DMD: variants seen among roughly 807,000 people sequenced by gnomAD.
DMD encodes the protein mutant dystrophin.
A neutral mutation model predicts 330.1 loss-of-function variants in DMD; 63 were observed. That is an observed-to-expected ratio of 0.19 (90% CI 0.16 to 0.24). The LOEUF is 0.24. Among genes scored for constraint, DMD ranks in the 10% least tolerant of loss-of-function variants. DMD has a pLI of 1.00. For synonymous variants in DMD, 1,223 were observed against 959.8 expected (o/e 1.27, Z -5.07); for missense variants, 3,344 against 2,684.1 (o/e 1.25, Z -5.43).
chrX:32,197,880 ATAT>A (rs1378157953), intron 44 of DMD, among the ~76,000 whole-genome samples: 4 of 111,464 alleles, frequency 3.6e-5, no homozygotes, highest in African/African-American at 1.3e-4. Flanking sequence ...TTTCGAAAAC[ATAT>A]TATTATTAAT....
At chrX:32,193,198 G>T (rs757706785) in intron 44 of DMD, among the ~76,000 whole-genome samples, 1 of 111,685 alleles carries the variant, frequency 9.0e-6, no homozygotes, top group Non-Finnish European at 1.9e-5. Context: ...CTATGCTTCC[G>T]GTACAGCCTG....
chrX:33,179,822 T>A (rs924139648), intron 1 of DMD, among the ~76,000 whole-genome samples: 1 of 110,416 alleles, frequency 9.1e-6, no homozygotes, highest in African/African-American at 3.3e-5. Flanking sequence ...AAATCCATTA[T>A]GATTTTTAAA....
intron 2 of DMD, among the ~76,000 whole-genome samples, chrX:32,949,251 TACACACACACACACACACACAC>T (rs10587318): frequency 2.2e-5 from 2 of 89,580 alleles, no homozygotes; most frequent in African/African-American, 8.3e-5. Context: ...AATCGTTACA[TACACACACACACACACACACAC>T]ACACACACAC....
intron 59 of DMD, among the ~76,000 whole-genome samples, chrX:31,448,011 C>CAAAAA: frequency 2.8e-5 from 1 of 35,299 alleles, no homozygotes; most frequent in Non-Finnish European, 5.7e-5. Flanking sequence ...ACTCTGTCTC[C>CAAAAA]AAAAAAAAAA....
intron 60 of DMD, among the ~76,000 whole-genome samples, chrX:31,439,770 G>A (rs1429819275): frequency 1.8e-5 from 2 of 111,891 alleles, no homozygotes; most frequent in African/African-American, 6.5e-5. Context: ...GCATTACTCA[G>A]TGTGTGTACT....
At chrX:32,133,010 T>C (rs996651018) in intron 44 of DMD, among the ~76,000 whole-genome samples, 27 of 81,898 alleles carry the variant, frequency 3.3e-4, no homozygotes, top group East Asian at 3.2e-4. Context: ...TTTTTTTTTT[T>C]TTTTTTTTTT....
Position 31,507,263 on chromosome X carries a change from C to G in DMD, c.8390+18G>C. 2 of 1,210,731 alleles carry G rather than the reference C, an allele frequency of 1.7e-6. No homozygotes were observed. The highest frequency in any genetic ancestry group is 2.2e-6 in the Non-Finnish European group (2 of 894,555). On this transcript the variant is annotated intron_variant, in intron 56 of 78. Transcript: ENST00000357033. Reference sequence around the variant, plus strand: ...TTTTAATTCATTTGTGGCCTTTTTGCTCCACATCTTTTCCTACCTAATGTT... The same window carrying G: ...TTTTAATTCATTTGTGGCCTTTTTGGTCCACATCTTTTCCTACCTAATGTT...
intron 60 of DMD, among the ~76,000 whole-genome samples, chrX:31,401,594 T>C (rs1459062320): frequency 1.8e-5 from 2 of 111,178 alleles, no homozygotes; most frequent in Non-Finnish European, 3.8e-5. Flanking sequence ...AAACCAAACC[T>C]TGGAGAGGTT....
chrX:31,556,072 A>AAT lies in DMD; in HGVS notation c.8218-48620_8218-48619insAT, dbSNP rs201166895. The stretch of plus-strand genomic sequence containing the variant: ...ATTTATGATAGGTGAAGTTTAAAAA[A>AAT]AATAATAATAATTGGCCGGGCGCAG... On this transcript the variant is annotated intron_variant, in intron 55 of 78. Transcript: ENST00000357033. 2.7e-3 allele frequency among the ~76,000 whole-genome samples: 293 copies of AAT among 109,713 alleles called. 2 individuals carry two copies. Among genetic ancestry groups the AAT allele is most frequent in the African/African-American group, 9.4e-3 (283 of 29,972 alleles).
rs58097229 is a variant in DMD at position 31,356,924 on chromosome X, CTTTTTTTTTT to C, written c.9085-8300_9085-8291del. 2.2e-4 allele frequency among the ~76,000 whole-genome samples: 16 copies of C among 74,292 alleles called. No individual in the cohort carries two copies. In the East Asian group the frequency reaches 5.1e-3, roughly 24 times the overall value. 64.5% of individuals were successfully genotyped at this position (74,292 alleles called of 115,157 possible). On this transcript the variant is annotated intron_variant, in intron 60 of 78. Transcript: ENST00000357033. The stretch of plus-strand genomic sequence containing the variant: ...AGATCATAGGAAGCATTTCTTCTGC[CTTTTTTTTTT>C]TTTTTTTTTTTGGTCTCAGAGAGAA...
intron 13 of DMD, among the ~76,000 whole-genome samples, chrX:32,595,423 G>T (rs1292487388): frequency 9.0e-6 from 1 of 111,327 alleles, no homozygotes; most frequent in Non-Finnish European, 1.9e-5. Context: ...TATTTTAAAT[G>T]GAAATACTCC....
intron 50 of DMD, among the ~76,000 whole-genome samples, chrX:31,792,020 G>A (rs2091594475): frequency 8.9e-6 from 1 of 111,742 alleles, no homozygotes; most frequent in South Asian, 3.7e-4. Context: ...ATGCCTAAGA[G>A]TCTTTGCAAA....
At chrX:32,559,916 T>C (rs1023924786) in intron 16 of DMD, among the ~76,000 whole-genome samples, 1 of 111,216 alleles carries the variant, frequency 9.0e-6, no homozygotes, top group African/African-American at 3.3e-5. Context: ...TTTTTGGGCA[T>C]CCTTGAATGT....
intron 9 of DMD, among the ~76,000 whole-genome samples, chrX:32,670,482 GTCTTAA>G (rs979101540): frequency 4.5e-5 from 5 of 111,816 alleles, no homozygotes; most frequent in African/African-American, 6.5e-5. Flanking sequence ...CCTTCAGTAA[GTCTTAA>G]TCTTAATCTG....
At position 31,774,030 on chromosome X, in the gene DMD, T is replaced by C. The variant is rs147694734; in HGVS notation, c.7472A>G (p.Gln2491Arg). 300 of 1,207,713 alleles carry C rather than the reference T, an allele frequency of 2.5e-4. No individual in the cohort carries two copies. In the African/African-American group the frequency reaches 4.7e-3, roughly 19 times the overall value. ...ELTDWLSLLD[Q>R]VIKSQRVMVG... ...CATCACCCTCTGTGATTTTATAACTTGATCAAGCAGAGAAAGCCAGTCGGT... is the reference window on the plus strand; with the variant it reads ...CATCACCCTCTGTGATTTTATAACTCGATCAAGCAGAGAAAGCCAGTCGGT... Residue 2491 changes from glutamine (Q) to arginine (R), a missense_variant, in exon 51 of 79, where the codon CAA (glutamine) becomes CGA (arginine). Physicochemically the swap from Gln to Arg is conservative, Grantham distance 43. Transcript: ENST00000357033.
chrX:31,843,116 C>T (rs1156964902), intron 48 of DMD, among the ~76,000 whole-genome samples: 4 of 111,806 alleles, frequency 3.6e-5, no homozygotes, highest in Non-Finnish European at 5.6e-5. Flanking sequence ...TCATCCAGTC[C>T]ACCATTGATG....
At chrX:32,670,200 G>A (rs750688440) in intron 9 of DMD, among the ~76,000 whole-genome samples, 15 of 111,687 alleles carry the variant, frequency 1.3e-4, no homozygotes, top group Non-Finnish European at 5.6e-5. Context: ...CTGTAAGAGT[G>A]TCTGTCTCCT....
At chrX:32,510,559 G>A (rs755841218) in intron 18 of DMD, among the ~76,000 whole-genome samples, 15 of 111,561 alleles carry the variant, frequency 1.3e-4, no homozygotes, top group African/African-American at 4.6e-4. Context: ...TCTATCCCAA[G>A]TCTCCATGAA....
Position 31,507,107 on chromosome X carries a change from A to G in DMD, c.8390+174T>C, listed in dbSNP as rs3788892. ...TTTAATCTAATCTGAATCCTCAAGT[A>G]TCATCTCCATACCAAGCAAATAAAT... On this transcript the variant is annotated intron_variant, in intron 56 of 78. Transcript: ENST00000357033. Among the ~76,000 whole-genome samples the G allele has an allele frequency of 0.014, 1,577 of 111,884 alleles. 13 individuals carry two copies. Among genetic ancestry groups the G allele is most frequent in the East Asian group, 0.042 (149 of 3,559 alleles).
Sources: gnomAD v4.1 joint callset for allele counts (sites outside exome capture counted in the v4.1 genomes callset) on GRCh38, gnomAD v4.1.1 for gene constraint, MANE v1.5 for transcripts, NCBI Gene and HGNC (gene_info 2026-07-23, HGNC 2026-07-21) for gene names.